PLCG2: variants seen among roughly 807,000 people sequenced by gnomAD.
PLCG2 encodes the protein 1-phosphatidylinositol 4,5-bisphosphate phosphodiesterase gamma-2.
Under a neutral mutation model 175.6 loss-of-function variants are expected in PLCG2, and 69 were observed. The ratio of observed to expected loss-of-function variants is 0.39; its 90% CI spans 0.32 to 0.48. The LOEUF (loss-of-function observed/expected upper bound fraction) is 0.48. Ranked by LOEUF, PLCG2 falls within the 20% of genes least tolerant of loss-of-function variation. PLCG2 has a pLI of 0.91. For synonymous variants in PLCG2, 827 were observed against 624.0 expected, an observed-to-expected ratio of 1.33 and a Z score of -4.85; for missense variants, 1,798 against 1,650.9, an observed-to-expected ratio of 1.09 and a Z score of -1.54.
chr16:81,753,632 G>T (rs1445888724), intron 1 of PLCG2, among the ~76,000 whole-genome samples: 1 of 152,112 alleles, frequency 6.6e-6, no homozygotes, highest in East Asian at 1.9e-4. Context: ...TGGCCAGGCT[G>T]ACCTGGCCTC....
chr16:81,863,596 G>A (rs371818115), intron 5 of PLCG2, among the ~76,000 whole-genome samples: 4 of 152,160 alleles, frequency 2.6e-5, no homozygotes, highest in East Asian at 1.9e-4. Context: ...TTGCTGGATT[G>A]CTGTGTATAT....
rs937438626 is a variant in PLCG2, at chr16:81,854,308, C to A, written c.194-136C>A. ...TTCCAGAAGGAGGGGACACTGAGTC[C>A]AGACGCAGAGATAGCTTTGCGGGAT... is the stretch of plus-strand genomic sequence containing the variant. On this transcript the variant is annotated intron_variant, in intron 2 of 32. Transcript: ENST00000564138. The A allele has an allele frequency of 3.8e-6, 3 of 779,440 alleles. No individual in the cohort carries two copies. In the East Asian group the frequency reaches 7.5e-5, roughly 19 times the overall value. 48.3% of individuals were successfully genotyped at this position (779,440 alleles called of 1,614,324 possible). A position where few individuals can be genotyped will look rare whatever the true frequency, so the allele number is the denominator to read the frequency against.
chr16:81,893,832 C>G (rs1908754306), intron 12 of PLCG2, 38 bp downstream of exon 12: 1 of 1,305,162 alleles, frequency 7.7e-7, no homozygotes, highest in Non-Finnish European at 1.1e-6. Context: ...AGGCTCGCAG[C>G]AAATTGAGGA....
chr16:81,864,929 C>G (rs1319150824), intron 5 of PLCG2, among the ~76,000 whole-genome samples: 3 of 152,028 alleles, frequency 2.0e-5, no homozygotes, highest in Non-Finnish European at 4.4e-5. Flanking sequence ...CCGTCCTTCT[C>G]CAAAGGGATT....
At chr16:81,782,269 A>C (rs1910771293) in intron 1 of PLCG2, among the ~76,000 whole-genome samples, 1 of 151,984 alleles carries the variant, frequency 6.6e-6, no homozygotes, top group African/African-American at 2.4e-5. Flanking sequence ...ATGAAATGTA[A>C]AAATGGCAAA....
intron 2 of PLCG2, among the ~76,000 whole-genome samples, chr16:81,797,455 C>T (rs963999891): frequency 1.4e-4 from 21 of 152,190 alleles, no homozygotes; most frequent in Admixed American, 1.3e-3. Flanking sequence ...TTCCTGCTTT[C>T]ATGCAAGGCC....
chr16:81,888,404 T>G (rs1255422237), intron 9 of PLCG2, among the ~76,000 whole-genome samples: 1 of 152,112 alleles, frequency 6.6e-6, no homozygotes, highest in African/African-American at 2.4e-5. Flanking sequence ...ATGTTTGTAT[T>G]TTAGTAGAGA....
At chr16:81,868,237 A>G (rs1024984642) in intron 5 of PLCG2, among the ~76,000 whole-genome samples, 1 of 152,142 alleles carries the variant, frequency 6.6e-6, no homozygotes, top group African/African-American at 2.4e-5. Context: ...GGCAACTTTA[A>G]TGCCTGGATG....
intron 2 of PLCG2, among the ~76,000 whole-genome samples, chr16:81,801,833 ACCACG>A (rs967736991): frequency 2.6e-5 from 4 of 151,834 alleles, no homozygotes; most frequent in Admixed American, 1.3e-4. Context: ...GTTGTACACC[ACCACG>A]CCTGGTTAAT....
intron 13 of PLCG2, among the ~76,000 whole-genome samples, chr16:81,897,376 T>G (rs1290751559): frequency 6.6e-6 from 1 of 152,204 alleles, no homozygotes; most frequent in African/African-American, 2.4e-5. Context: ...ATCCTATGCT[T>G]CAATTTCCAT....
At chr16:81,741,006 A>G (rs964181011) in intron 1 of PLCG2, among the ~76,000 whole-genome samples, 3 of 152,122 alleles carry the variant, frequency 2.0e-5, no homozygotes, top group Admixed American at 6.6e-5. Context: ...TAATCCATGC[A>G]CCCTCTGTGC....
chr16:81,838,254 T>C lies in PLCG2; in HGVS notation c.194-16190T>C, dbSNP rs558644528. Among the ~76,000 whole-genome samples, 7 of 152,174 alleles carry C rather than the reference T, an allele frequency of 4.6e-5. No individual in the cohort carries two copies. In the East Asian group the frequency reaches 1.4e-3, roughly 29 times the overall value. ...GGCACCTGCCACCATGCCTGGCTAA[T>C]GTTTATATTTTTAGTAGAGATGGGG... On this transcript the variant is annotated intron_variant, in intron 2 of 32. Coordinates refer to ENST00000564138, the MANE Select transcript of PLCG2 (RefSeq NM_002661.5).
At chr16:81,912,752 G>C in intron 19 of PLCG2, 36 bp downstream of exon 19, 1 of 1,555,442 alleles carries the variant, frequency 6.4e-7, no homozygotes, top group Non-Finnish European at 8.7e-7. Context: ...GCTCTACAGA[G>C]GGGCTTGGCA....
intron 31 of PLCG2, among the ~76,000 whole-genome samples, chr16:81,954,131 T>C (rs558595889): frequency 2.0e-5 from 3 of 152,194 alleles, no homozygotes; most frequent in African/African-American, 7.2e-5. Flanking sequence ...CATGTGATCT[T>C]ACCCTCTCAG....
chr16:81,951,658 G>C (rs1357580219), intron 31 of PLCG2, among the ~76,000 whole-genome samples: 1 of 152,158 alleles, frequency 6.6e-6, no homozygotes, highest in Non-Finnish European at 1.5e-5. Flanking sequence ...CCAATGTCAT[G>C]TGTGAATATA....
chr16:81,889,416 T>C, intron 10 of PLCG2, 143 bp downstream of exon 10: 1 of 532,394 alleles, frequency 1.9e-6, no homozygotes. Flanking sequence ...TGGGATTGTT[T>C]CTTTTCTTTT....
chr16:81,795,967 G>A (rs1225791471), intron 2 of PLCG2, among the ~76,000 whole-genome samples: 2 of 152,206 alleles, frequency 1.3e-5, no homozygotes, highest in Non-Finnish European at 2.9e-5. Flanking sequence ...CCTAAGTTGG[G>A]GGGCATCCTT....
upstream of PLCG2, among the ~76,000 whole-genome samples, chr16:81,778,201 C>T (rs1007269454): frequency 1.1e-4 from 16 of 151,920 alleles, no homozygotes; most frequent in Non-Finnish European, 2.2e-4. Context: ...CATAGTGAGA[C>T]CTCATGTCGA....
intron 4 of PLCG2, 149 bp from the exon 5 acceptor site, chr16:81,858,967 T>C: frequency 1.8e-6 from 1 of 550,444 alleles, no homozygotes; most frequent in Non-Finnish European, 3.2e-6. Context: ...AGGAGGAAAC[T>C]GCTTCCCAAG....
Sources: gnomAD v4.1 joint callset for allele counts (sites outside exome capture counted in the v4.1 genomes callset) on GRCh38, gnomAD v4.1.1 for gene constraint, MANE v1.5 for transcripts, NCBI Gene and HGNC (gene_info 2026-07-23, HGNC 2026-07-21) for gene names.